The following EML6 variants were observed in gnomAD, a reference collection of about 807,000 sequenced individuals.
EML6 encodes echinoderm microtubule-associated protein-like 6.
Under a neutral mutation model 240.1 loss-of-function variants are expected in EML6, and 154 were observed. The ratio of observed to expected loss-of-function variants is 0.64; its 90% CI spans 0.56 to 0.73. The LOEUF is 0.73. Ranked by LOEUF, EML6 falls within the 30% of genes least tolerant of loss-of-function variation. The pLI is 0.00. For missense variants in EML6, 2,964 were observed against 2,474.6 expected (o/e 1.20, Z -4.20); for synonymous variants, 1,148 against 899.0 (o/e 1.28, Z -4.95).
At chr2:54,852,457 G>A (rs1670143862) in intron 10 of EML6, among the ~76,000 whole-genome samples, 1 of 152,136 alleles carries the variant, frequency 6.6e-6, no homozygotes, top group African/African-American at 2.4e-5. Flanking sequence ...CTGTTCAGGG[G>A]TGGCATCATA....
rs187622074 is a variant in EML6 at position 54,847,763 on chromosome 2, C to T, written c.1187+140C>T. ...AGGAATACTATAGATCTACGATCCC[C>T]TATCTGTAATTCTGAAGTCCTAACA... On this transcript the variant is annotated intron_variant, in intron 9 of 41. Transcript: ENST00000356458. 2.5e-3 allele frequency: 2,382 copies of T among 937,478 alleles called. 5 individuals are homozygous for T. The highest frequency in any genetic ancestry group is 3.3e-3 in the Non-Finnish European group (2,154 of 646,862). 58.1% of individuals were successfully genotyped at this position (937,478 alleles called of 1,614,324 possible).
intron 7 of EML6, among the ~76,000 whole-genome samples, chr2:54,840,303 A>G (rs974280411): frequency 6.6e-6 from 1 of 152,176 alleles, no homozygotes; most frequent in African/African-American, 2.4e-5. Context: ...AAAACAATCA[A>G]TGGCATTATA....
At chr2:54,948,719 C>T (rs748662991) in intron 28 of EML6, among the ~76,000 whole-genome samples, 163 bp from the exon 29 acceptor site, 25 of 151,962 alleles carry the variant, frequency 1.6e-4, no homozygotes, top group Non-Finnish European at 3.4e-4. Context: ...CCGTGGCAGG[C>T]GGGGAGTGAG....
chr2:54,892,197 G>A (rs552939668), intron 18 of EML6, among the ~76,000 whole-genome samples: 3 of 152,264 alleles, frequency 2.0e-5, no homozygotes, highest in East Asian at 1.9e-4. Flanking sequence ...TTGAATACAG[G>A]AACCCTCTTT....
intron 7 of EML6, among the ~76,000 whole-genome samples, chr2:54,837,048 C>T (rs1669190754): frequency 6.6e-6 from 1 of 152,126 alleles, no homozygotes; most frequent in Non-Finnish European, 1.5e-5. Flanking sequence ...ACACCCTCTA[C>T]CAATACTCCC....
chr2:54,889,875 C>T (rs777473935), intron 17 of EML6, among the ~76,000 whole-genome samples: 1 of 152,172 alleles, frequency 6.6e-6, no homozygotes, highest in Admixed American at 6.5e-5. Flanking sequence ...AGTGTGCACA[C>T]ACAAATATGA....
chr2:54,804,178 G>C (rs1034992745), intron 2 of EML6, among the ~76,000 whole-genome samples: 5 of 152,230 alleles, frequency 3.3e-5, no homozygotes, highest in African/African-American at 1.2e-4. Context: ...AAAGCCACTA[G>C]ACCAGATGGA....
chr2:54,786,872 A>G (rs1669123537), intron 2 of EML6, among the ~76,000 whole-genome samples: 1 of 152,180 alleles, frequency 6.6e-6, no homozygotes, highest in Admixed American at 6.5e-5. Context: ...TGTTAAACAT[A>G]TACAAGTTTG....
chr2:54,786,348 T>C (rs972714922), intron 2 of EML6, among the ~76,000 whole-genome samples: 10 of 152,178 alleles, frequency 6.6e-5, no homozygotes, highest in Non-Finnish European at 1.3e-4. Flanking sequence ...TTACAATTCT[T>C]GACAGCAAAC....
intron 40 of EML6, 80 bp from the exon 41 acceptor site, chr2:54,968,588 G>T (rs928916159): frequency 3.6e-6 from 3 of 834,370 alleles, no homozygotes; most frequent in Non-Finnish European, 2.0e-6. Flanking sequence ...GGGAGCAGGG[G>T]ATTTGAGTGC....
intron 24 of EML6, among the ~76,000 whole-genome samples, chr2:54,905,885 T>C (rs1023360220): frequency 6.6e-6 from 1 of 151,962 alleles, no homozygotes; most frequent in African/African-American, 2.4e-5. Context: ...AAAGACTGAA[T>C]GTTTAATTTT....
intron 28 of EML6, among the ~76,000 whole-genome samples, chr2:54,939,897 A>C (rs928176761): frequency 2.6e-5 from 4 of 152,254 alleles, no homozygotes; most frequent in African/African-American, 9.6e-5. Flanking sequence ...CTCTCCAGCC[A>C]TCTCAGCGGC....
In EML6 at chr2:54,724,117, C is replaced by G. The variant is rs529086057; in HGVS notation, c.-514+340C>G. ...GGAGCGTTTGTAGGTAGCGCACTCCCTCCGACTGCACTAGTGCCTCGTTTC... is the reference window on the plus strand; with the variant it reads ...GGAGCGTTTGTAGGTAGCGCACTCCGTCCGACTGCACTAGTGCCTCGTTTC... On this transcript the variant is annotated intron_variant, in intron 1 of 41. Coordinates refer to ENST00000356458, the MANE Select transcript of EML6 (RefSeq NM_001039753.4). The surrounding 1 kb of genome is among the most constrained non-coding windows in gnomAD (Gnocchi z 5.2). Among the ~76,000 whole-genome samples, 1 of 152,274 alleles carries G rather than the reference C, an allele frequency of 6.6e-6. No individual in the cohort carries two copies. The highest frequency in any genetic ancestry group is 1.9e-4 in the East Asian group (1 of 5,156).
intron 2 of EML6, among the ~76,000 whole-genome samples, chr2:54,743,365 G>C (rs1683750451): frequency 6.6e-6 from 1 of 152,234 alleles, no homozygotes. Flanking sequence ...AGTGGCCCTG[G>C]CCAGGAATTG....
intron 7 of EML6, among the ~76,000 whole-genome samples, chr2:54,843,813 A>G (rs916982661): frequency 6.9e-6 from 1 of 144,214 alleles, no homozygotes; most frequent in African/African-American, 2.6e-5. Flanking sequence ...ACTGCACTCT[A>G]TAGTCTGGGT....
Position 54,724,989 on chromosome 2 carries a change from C to G in EML6, c.-73C>G. The G allele has an allele frequency of 2.3e-6, 3 of 1,277,666 alleles. No homozygotes were observed. The highest frequency in any genetic ancestry group is 3.3e-5 in the East Asian group (1 of 30,026). 79.1% of individuals were successfully genotyped at this position (1,277,666 alleles called of 1,614,324 possible). On this transcript the variant is annotated 5_prime_UTR_variant, in exon 2 of 42. Coordinates refer to ENST00000356458, the MANE Select transcript of EML6 (RefSeq NM_001039753.4). The surrounding 1 kb of genome is among the most constrained non-coding windows in gnomAD (Gnocchi z 5.2). ...GCCGCGCGCTGAGCCCCTGCAGGTC[C>G]GCCGCAGCCCCAGCCTCGGCGAGGA... is the stretch of plus-strand genomic sequence containing the variant.
intron 34 of EML6, 100 bp from the exon 35 acceptor site, chr2:54,960,120 G>GCCA (rs1205175211): frequency 2.2e-6 from 2 of 900,062 alleles, no homozygotes; most frequent in East Asian, 5.3e-5. Context: ...GCCCCAACTG[G>GCCA]CCAGAACCCT....
At chr2:54,948,806 A>T in intron 28 of EML6, 76 bp from the exon 29 acceptor site, 1 of 1,151,052 alleles carries the variant, frequency 8.7e-7, no homozygotes, top group Non-Finnish European at 1.3e-6. Flanking sequence ...GCACTGGCCT[A>T]GACAGGCCAC....
intron 21 of EML6, 110 bp from the exon 22 acceptor site, chr2:54,899,521 GTTTATTCCTA>G (rs1672946177): frequency 9.9e-7 from 1 of 1,011,218 alleles, no homozygotes; most frequent in South Asian, 1.9e-5. Context: ...CTCAAAGTGT[GTTTATTCCTA>G]TTTGTGCTTT....
Sources: allele counts gnomAD v4.1 joint callset (sites outside exome capture counted in the v4.1 genomes callset), GRCh38; gene constraint gnomAD v4.1.1; non-coding constraint Gnocchi (gnomAD v3.1); transcripts MANE v1.5; gene names NCBI Gene and HGNC (gene_info 2026-07-23, HGNC 2026-07-21).